Variants in KLHL23 observed in about 807,000 individuals in gnomAD.
KLHL23 encodes the protein kelch-like protein 23.
A neutral mutation model predicts 48.9 loss-of-function variants in KLHL23; 33 were observed. The observed-to-expected ratio is 0.67, with a 90% CI of 0.51 to 0.90. KLHL23 has a LOEUF of 0.90. Among genes scored for constraint, KLHL23 ranks in the 40% least tolerant of loss-of-function variants. The pLI, the probability that KLHL23 is intolerant of heterozygous loss-of-function variation, is 0.00. For synonymous variants in KLHL23, 234 were observed against 231.6 expected (o/e 1.01, Z -0.09); for missense variants, 608 against 669.6 (o/e 0.91, Z 1.02).
intron 2 of KLHL23, among the ~76,000 whole-genome samples, chr2:169,740,795 T>TATATATATATA (rs1688661087): frequency 2.1e-5 from 3 of 143,262 alleles, no homozygotes; most frequent in African/African-American, 7.8e-5. Context: ...TATATATAAC[T>TATATATATATA]TATTTATTGA....
chr2:169,742,613 T>C (rs970732204), intron 3 of KLHL23, among the ~76,000 whole-genome samples: 4 of 152,208 alleles, frequency 2.6e-5, no homozygotes, highest in Admixed American at 1.3e-4. Flanking sequence ...TTCCAGCCCA[T>C]ACATCATCTA....
chr2:169,741,131 G>T, intron 2 of KLHL23: 1 of 328,774 alleles, frequency 3.0e-6, no homozygotes, highest in South Asian at 1.1e-4. Context: ...TAGGTGATAG[G>T]ACATTTTCCA....
chr2:169,734,950 C>T (rs1284067632), intron 1 of KLHL23, 63 bp from the exon 2 acceptor site: 1 of 1,494,576 alleles, frequency 6.7e-7, no homozygotes, highest in African/African-American at 1.4e-5. Context: ...AGTTATTTAG[C>T]GTTGATTATT....
At chr2:169,738,362 C>G in intron 2 of KLHL23, among the ~76,000 whole-genome samples, 1 of 152,166 alleles carries the variant, frequency 6.6e-6, no homozygotes, top group Non-Finnish European at 1.5e-5. Flanking sequence ...CTACCTTGGC[C>G]TCCCAAAGTG....
chr2:169,741,451 A>G lies in KLHL23; in HGVS notation c.1280A>G (p.Tyr427Cys). 6 of 1,614,044 alleles carry G rather than the reference A, an allele frequency of 3.7e-6. No homozygotes were observed. Among genetic ancestry groups the G allele is most frequent in the Non-Finnish European group, 4.2e-6 (5 of 1,179,962 alleles). ...TACGTCATTGGTGGCCACTGTGGCT[A>G]CAGAGGAAGCTGCACCTATGACAAA... Reference protein sequence around the residue: ...VIYVIGGHCGYRGSCTYDKVQ... With the variant: ...VIYVIGGHCGCRGSCTYDKVQ... The change falls in exon 3 of 4, where the codon TAC becomes TGC. Residue 427 changes from tyrosine to cysteine, a missense_variant. Tyr to Cys is a radical substitution (Grantham distance 194). Transcript: ENST00000392647.
At position 169,737,259 on chromosome 2, in the gene KLHL23, A is replaced by C. The variant is rs751428178; in HGVS notation, c.1213+1032A>C. Among the ~76,000 whole-genome samples, 10 of 152,392 alleles carry C rather than the reference A, an allele frequency of 6.6e-5. No individual in the cohort carries two copies. The East Asian group carries it at 1.9e-3, about 29-fold the overall frequency. Reference sequence around the variant, plus strand: ...GAACAGTGTCTGACACAGAGTAAGCATGCTATAAATGTTACGCATGATTGT... The same window carrying C: ...GAACAGTGTCTGACACAGAGTAAGCCTGCTATAAATGTTACGCATGATTGT... On this transcript the variant is annotated intron_variant, in intron 2 of 3. Transcript: ENST00000392647.
At chr2:169,738,526 A>G (rs942917641) in intron 2 of KLHL23, among the ~76,000 whole-genome samples, 2 of 152,170 alleles carry the variant, frequency 1.3e-5, no homozygotes, top group Non-Finnish European at 2.9e-5. Context: ...TAATTTGGGT[A>G]CAGTCAAATT....
At chr2:169,737,521 G>C (rs1448730514) in intron 2 of KLHL23, among the ~76,000 whole-genome samples, 2 of 152,150 alleles carry the variant, frequency 1.3e-5, no homozygotes, top group East Asian at 3.8e-4. Flanking sequence ...TATTTAAGGA[G>C]CTATTGTAAA....
intron 3 of KLHL23, among the ~76,000 whole-genome samples, chr2:169,748,502 G>A (rs1375674174): frequency 6.6e-6 from 1 of 152,188 alleles, no homozygotes; most frequent in Non-Finnish European, 1.5e-5. Flanking sequence ...AAAAGCGGGT[G>A]TGTGGAAGAA....
At chr2:169,743,575 ATT>A (rs1688724408) in intron 3 of KLHL23, among the ~76,000 whole-genome samples, 1 of 152,218 alleles carries the variant, frequency 6.6e-6, no homozygotes, top group African/African-American at 2.4e-5. Flanking sequence ...AATATTTAAA[ATT>A]TAAGAGAATT....
rs55779546 is a variant in KLHL23 at position 169,740,766 on chromosome 2, TTA to T, written c.1214-594_1214-593del. Among the ~76,000 whole-genome samples the T allele has an allele frequency of 1.9e-3, 238 of 125,482 alleles. 7 individuals carry two copies. Among genetic ancestry groups the T allele is most frequent in the African/African-American group, 5.6e-3 (184 of 33,034 alleles). 82.3% of individuals were successfully genotyped at this position (125,482 alleles called of 152,430 possible). A position where few individuals can be genotyped will look rare whatever the true frequency, so the allele number is the denominator to read the frequency against. ...CCCGGCCTCTATAAGCTTTTTTATA[TTA>T]TATATATATATATATATATATATAA... is the stretch of plus-strand genomic sequence containing the variant. On this transcript the variant is annotated intron_variant, in intron 2 of 3. Transcript: ENST00000392647.
In KLHL23 at chr2:169,735,086, T is replaced by A. The variant is rs1031400693; in HGVS notation, c.72T>A (p.Asp24Glu). 3.7e-6 allele frequency: 6 copies of A among 1,602,130 alleles called. No homozygotes were observed. The highest frequency in any genetic ancestry group is 5.1e-6 in the Non-Finnish European group (6 of 1,176,740). ...CAACACATCCAGTGGATTTTCTGGA[T>A]GCATTCAGAACATTTTACTTGGATG... ...KDSTHPVDFLDAFRTFYLDGL... is the reference protein window; with the variant it reads ...KDSTHPVDFLEAFRTFYLDGL... Residue 24 changes from aspartate to glutamate, a missense_variant, in exon 2 of 4, where the codon GAT (aspartate) becomes GAA (glutamate). By Grantham distance (45) the Asp-to-Glu change is conservative. Around this residue, in one of 3 missense-constraint regions of KLHL23, gnomAD observed 419 missense variants for 473.1 expected, o/e 0.89. Coordinates refer to ENST00000392647, the MANE Select transcript of KLHL23 (RefSeq NM_144711.6). The surrounding 1 kb of genome is among the most constrained non-coding windows in gnomAD (Gnocchi z 4.5).
chr2:169,738,622 A>C (rs1340956214), intron 2 of KLHL23, among the ~76,000 whole-genome samples: 1 of 151,866 alleles, frequency 6.6e-6, no homozygotes, highest in East Asian at 1.9e-4. Context: ...CTGTTTAGGA[A>C]CTCCTGAATC....
chr2:169,741,355 T>A, intron 2 of KLHL23, 30 bp from the exon 3 acceptor site: 1 of 1,584,872 alleles, frequency 6.3e-7, no homozygotes. Context: ...AAAAGATCAA[T>A]CTAAAGATGT....
intron 1 of KLHL23, among the ~76,000 whole-genome samples, chr2:169,734,640 T>C (rs1688469330): frequency 6.6e-6 from 1 of 152,102 alleles, no homozygotes; most frequent in Admixed American, 6.5e-5. Context: ...AAGGTTGAAT[T>C]GGGGCCGAGC....
rs762905464 is a variant in KLHL23, at chr2:169,735,745, G to T, written c.731G>T (p.Ser244Ile). The T allele has an allele frequency of 5.6e-6, 9 of 1,613,934 alleles. No homozygotes were observed. Among genetic ancestry groups the T allele is most frequent in the African/African-American group, 1.3e-5 (1 of 74,920 alleles). ...AAAACAGCCTTAGGCCTTCAAAGAA[G>T]CTGCCTGCTCACCGAAAATAAGATC... is the stretch of plus-strand genomic sequence containing the variant. ...YLKTALGLQR[S>I]CLLTENKIRS... is the part of the protein sequence containing the mutation. Residue 244 changes from serine to isoleucine, a missense_variant, in exon 2 of 4, where the codon AGC becomes ATC. Ser to Ile is a moderately radical substitution (Grantham distance 142, BLOSUM62 -2). Transcript: ENST00000392647. This position sits in a 1 kb window ranked among gnomAD's most constrained non-coding sequence, Gnocchi z 4.5.
At chr2:169,745,003 T>A (rs1405094227) in intron 3 of KLHL23, among the ~76,000 whole-genome samples, 1 of 151,616 alleles carries the variant, frequency 6.6e-6, no homozygotes, top group Admixed American at 6.6e-5. Context: ...AGTGGCACAA[T>A]CTTGGGTTCA....
intron 3 of KLHL23, among the ~76,000 whole-genome samples, chr2:169,747,636 AAG>A (rs1688826978): frequency 1.3e-5 from 2 of 152,052 alleles, no homozygotes; most frequent in Admixed American, 6.5e-5. Flanking sequence ...ATTCTTTCTA[AAG>A]AGGGGCTTGC....
chr2:169,745,075 G>C (rs529829611), intron 3 of KLHL23, among the ~76,000 whole-genome samples: 1 of 151,678 alleles, frequency 6.6e-6, no homozygotes, highest in East Asian at 2.0e-4. Flanking sequence ...ACCACGCCTG[G>C]CTAATTTTTG....
Sources: gnomAD v4.1 joint callset for allele counts (sites outside exome capture counted in the v4.1 genomes callset) on GRCh38, gnomAD v4.1.1 for gene constraint, gnomAD v4.1.1 regional missense constraint, Gnocchi (gnomAD v3.1) non-coding constraint, MANE v1.5 for transcripts, NCBI Gene and HGNC (gene_info 2026-07-23, HGNC 2026-07-21) for gene names.